The following CA8 variants were observed in gnomAD, a reference collection of about 807,000 sequenced individuals.
The protein encoded by CA8 is carbonic anhydrase 8 (inactive), also known as carbonic anhydrase-related protein.
CA8 carries 22 observed loss-of-function variants against 41.4 expected under a neutral mutation model. The ratio of observed to expected loss-of-function variants is 0.53; its 90% CI spans 0.38 to 0.76. The LOEUF (loss-of-function observed/expected upper bound fraction) is 0.76, where lower values mean the gene tolerates loss of function less well. CA8 is among the 30% of genes least tolerant of loss of function. The probability of loss-of-function intolerance (pLI) is 0.00; values close to 1 mark genes in which losing one functional copy is unlikely to be tolerated. For synonymous variants in CA8, 121 were observed against 130.6 expected (o/e 0.93, Z 0.50); for missense variants, 270 against 352.8 (o/e 0.77, Z 1.88).
chr8:60,201,240 C>T (rs935660140), intron 8 of CA8, among the ~76,000 whole-genome samples: 22 of 152,180 alleles, frequency 1.4e-4, no homozygotes, highest in African/African-American at 4.3e-4. Flanking sequence ...AAAAGTTCTA[C>T]AGACAGCTGG....
At chr8:60,280,850 A>C (rs1184834978) in intron 1 of CA8, among the ~76,000 whole-genome samples, 198 bp downstream of exon 1, 2 of 152,206 alleles carry the variant, frequency 1.3e-5, no homozygotes. Flanking sequence ...GGAAGAGCGC[A>C]GGCGGCGAGC....
intron 7 of CA8, among the ~76,000 whole-genome samples, chr8:60,221,972 C>T (rs1249574420): frequency 1.3e-5 from 2 of 152,170 alleles, no homozygotes; most frequent in Non-Finnish European, 2.9e-5. Flanking sequence ...CTCTCCAGAA[C>T]ATATCCATCC....
intron 3 of CA8, among the ~76,000 whole-genome samples, chr8:60,256,370 T>C (rs763447726): frequency 1.3e-5 from 2 of 152,176 alleles, no homozygotes; most frequent in Non-Finnish European, 2.9e-5. Context: ...AGAATTTACA[T>C]TGCCAGAGTA....
intron 5 of CA8, among the ~76,000 whole-genome samples, chr8:60,225,407 T>C (rs909960188): frequency 6.6e-6 from 1 of 152,086 alleles, no homozygotes; most frequent in South Asian, 2.1e-4. Context: ...GCCTCCCCGA[T>C]CCCCCTGAAT....
At chr8:60,237,350 C>T (rs928957150) in intron 3 of CA8, among the ~76,000 whole-genome samples, 17 of 152,278 alleles carry the variant, frequency 1.1e-4, no homozygotes, top group Admixed American at 9.8e-4. Flanking sequence ...TTATATATAG[C>T]CAGCAAAGGC....
At position 60,281,265 on chromosome 8, in the gene CA8, T is replaced by G. The variant is rs1804419191; in HGVS notation, c.-118A>C. The G allele has an allele frequency of 1.4e-6, 1 of 716,860 alleles. No individual in the cohort carries two copies. The highest frequency in any genetic ancestry group is 2.2e-5 in the Admixed American group (1 of 45,412). 44.4% of individuals were successfully genotyped at this position (716,860 alleles called of 1,614,324 possible). On this transcript the variant is annotated 5_prime_UTR_variant, in exon 1 of 9. Transcript: ENST00000317995. Reference sequence around the variant, plus strand: ...GAGTGTGAGCACGCGTGAGCGGCAGTGTGAGTGCGAGAGCGCCTCCGGGTG... The same window carrying G: ...GAGTGTGAGCACGCGTGAGCGGCAGGGTGAGTGCGAGAGCGCCTCCGGGTG...
At chr8:60,196,635 C>G (rs1246813656) in intron 8 of CA8, among the ~76,000 whole-genome samples, 2 of 152,130 alleles carry the variant, frequency 1.3e-5, no homozygotes, top group African/African-American at 4.8e-5. Context: ...CTTAATCACT[C>G]TATAAATACA....
At chr8:60,214,315 G>A (rs960145508) in intron 7 of CA8, among the ~76,000 whole-genome samples, 1 of 152,130 alleles carries the variant, frequency 6.6e-6, no homozygotes, top group Non-Finnish European at 1.5e-5. Flanking sequence ...TTTCTTAAGG[G>A]CCTTAATCCA....
Position 60,222,669 on chromosome 8 carries a change from A to C in CA8, c.718T>G (p.Leu240Val). 1 of 1,605,812 alleles carries C rather than the reference A, an allele frequency of 6.2e-7. No homozygotes were observed. Among genetic ancestry groups the C allele is most frequent in the Non-Finnish European group, 8.5e-7 (1 of 1,172,288 alleles). The change falls in exon 7 of 9, where the codon TTA becomes GTA. Residue 240 changes from leucine (L) to valine (V), a missense_variant. Coordinates refer to ENST00000317995, the MANE Select transcript of CA8 (RefSeq NM_004056.6). ...GVTWILFRYPLTISQLQIEEF... is the reference protein window; with the variant it reads ...GVTWILFRYPVTISQLQIEEF... ...CTCACCTGTAGCTGGGATATAGTTA[A>C]AGGGTATCGGAATAATATCCAGGTG... is the stretch of plus-strand genomic sequence containing the variant.
chr8:60,273,768 C>G (rs1461828912), intron 2 of CA8, among the ~76,000 whole-genome samples: 1 of 152,294 alleles, frequency 6.6e-6, no homozygotes, highest in South Asian at 2.1e-4. Flanking sequence ...ATAAAAATGC[C>G]CATTGGATTT....
At chr8:60,209,056 AG>A in intron 7 of CA8, 137 bp from the exon 8 acceptor site, 1 of 1,024,502 alleles carries the variant, frequency 9.8e-7, no homozygotes, top group Non-Finnish European at 1.4e-6. Context: ...AGCTTCAAAA[AG>A]AAAAAAAACA....
At chr8:60,221,015 T>G (rs1807226526) in intron 7 of CA8, among the ~76,000 whole-genome samples, 1 of 152,204 alleles carries the variant, frequency 6.6e-6, no homozygotes, top group Admixed American at 6.5e-5. Context: ...ACACACATGT[T>G]GAATTTTATG....
At chr8:60,268,436 G>A (rs1360075669) in intron 2 of CA8, among the ~76,000 whole-genome samples, 3 of 152,200 alleles carry the variant, frequency 2.0e-5, no homozygotes, top group Non-Finnish European at 2.9e-5. Context: ...AGCTGGTCTT[G>A]ACAGTGATTT....
At chr8:60,224,711 C>T (rs1373963416) in intron 5 of CA8, 126 bp from the exon 6 acceptor site, 1 of 668,762 alleles carries the variant, frequency 1.5e-6, no homozygotes, top group Admixed American at 2.2e-5. Context: ...GTCCCACAGA[C>T]TTGTGGGTAT....
At chr8:60,235,889 C>A (rs1188087533) in intron 3 of CA8, among the ~76,000 whole-genome samples, 1 of 152,098 alleles carries the variant, frequency 6.6e-6, no homozygotes, top group South Asian at 2.1e-4. Flanking sequence ...CCCATAATAA[C>A]CTCTTTCTTT....
chr8:60,244,159 G>T (rs1322983029), intron 3 of CA8, among the ~76,000 whole-genome samples: 1 of 152,048 alleles, frequency 6.6e-6, no homozygotes, highest in African/African-American at 2.4e-5. Flanking sequence ...TACAAACAAC[G>T]AAGAGCTATG....
intron 3 of CA8, among the ~76,000 whole-genome samples, chr8:60,258,842 G>T (rs1032153974): frequency 6.6e-6 from 1 of 152,152 alleles, no homozygotes; most frequent in Admixed American, 6.5e-5. Context: ...ACAGGAGGCG[G>T]ACTCAGGAGG....
At chr8:60,220,887 C>T (rs1353843047) in intron 7 of CA8, among the ~76,000 whole-genome samples, 11 of 152,272 alleles carry the variant, frequency 7.2e-5, no homozygotes, top group South Asian at 2.1e-4. Context: ...TGAGATCCTT[C>T]GCCCTATTTT....
chr8:60,269,620 T>G (rs1010463544), intron 2 of CA8, among the ~76,000 whole-genome samples: 15 of 152,234 alleles, frequency 9.9e-5, no homozygotes, highest in African/African-American at 3.6e-4. Context: ...TCTAAGCTTC[T>G]ACAATCCTTT....
Sources: gnomAD v4.1 joint callset for allele counts (sites outside exome capture counted in the v4.1 genomes callset) on GRCh38, gnomAD v4.1.1 for gene constraint, MANE v1.5 for transcripts, NCBI Gene and HGNC (gene_info 2026-07-23, HGNC 2026-07-21) for gene names.